The following GRAMD1A variants were observed in gnomAD, a reference collection of about 807,000 sequenced individuals.
GRAMD1A encodes GRAM domain containing 1A.
In GRAMD1A, 50 loss-of-function variants were observed where a neutral mutation model predicts 92.0. That is an observed-to-expected ratio of 0.54 (90% CI 0.43 to 0.69). GRAMD1A has a LOEUF of 0.69. Ranked by LOEUF, GRAMD1A falls within the 30% of genes least tolerant of loss-of-function variation. The pLI, the probability that GRAMD1A is intolerant of heterozygous loss-of-function variation, is 0.00. For synonymous variants in GRAMD1A, 405 were observed against 403.6 expected (o/e 1.00, Z -0.04); for missense variants, 819 against 978.9 (o/e 0.84, Z 2.18).
At position 35,026,180 on chromosome 19, in the gene GRAMD1A, T is replaced by C; in HGVS notation, c.*39T>C. The C allele has an allele frequency of 9.6e-7, 1 of 1,043,914 alleles. No individual in the cohort carries two copies. Among genetic ancestry groups the C allele is most frequent in the Non-Finnish European group, 1.5e-6 (1 of 662,284 alleles). The allele number at this position is 1,043,914 out of a possible 1,614,324, so 64.7% of individuals were successfully genotyped here. ...GCAGCTGTTCCCCCACATGGACAGA[T>C]GGACACACAGAGCCTCGGCGGCCAC... On this transcript the variant is annotated 3_prime_UTR_variant, in exon 20 of 20. Coordinates refer to ENST00000317991, the MANE Select transcript of GRAMD1A (RefSeq NM_020895.5).
intron 1 of GRAMD1A, among the ~76,000 whole-genome samples, chr19:35,003,061 GGTGTGTGTGTGTGT>G (rs58809497): frequency 2.1e-5 from 3 of 142,232 alleles, no homozygotes; most frequent in Admixed American, 7.0e-5. Flanking sequence ...CAATGCTGCA[GGTGTGTGTGTGTGT>G]GTGTGTGTGT....
intron 10 of GRAMD1A, chr19:35,014,618 C>T: frequency 1.7e-6 from 1 of 579,012 alleles, no homozygotes; most frequent in Non-Finnish European, 3.1e-6. Flanking sequence ...CCTGGTCACA[C>T]CACTTCCTGA....
At chr19:35,006,581 T>C (rs1277633629) in intron 1 of GRAMD1A, among the ~76,000 whole-genome samples, 1 of 152,092 alleles carries the variant, frequency 6.6e-6, no homozygotes, top group Non-Finnish European at 1.5e-5. Flanking sequence ...AAGTTGGGAG[T>C]GTCCTGTTTG....
chr19:35,006,511 C>G (rs780848914), intron 1 of GRAMD1A, among the ~76,000 whole-genome samples: 2 of 152,140 alleles, frequency 1.3e-5, no homozygotes, highest in Non-Finnish European at 2.9e-5. Context: ...CAAAGAATGT[C>G]CTTTTAAAGT....
chr19:35,004,063 C>CA (rs1341039699), intron 1 of GRAMD1A, among the ~76,000 whole-genome samples: 2 of 152,106 alleles, frequency 1.3e-5, no homozygotes, highest in Non-Finnish European at 1.5e-5. Flanking sequence ...CCCATCACTA[C>CA]AAAAAAACTT....
intron 19 of GRAMD1A, among the ~76,000 whole-genome samples, chr19:35,024,389 C>G (rs989410945): frequency 1.3e-5 from 2 of 151,682 alleles, no homozygotes; most frequent in Non-Finnish European, 1.5e-5. Context: ...CCCTCAGGCC[C>G]CAGTAGACTC....
At chr19:35,016,010 A>G in intron 11 of GRAMD1A, 43 bp downstream of exon 11, 1 of 1,596,270 alleles carries the variant, frequency 6.3e-7, no homozygotes, top group Non-Finnish European at 8.6e-7. Flanking sequence ...ACCCAGGTGC[A>G]GGGGAGGGGT....
intron 1 of GRAMD1A, among the ~76,000 whole-genome samples, chr19:35,007,785 A>C (rs1364190426): frequency 1.3e-5 from 2 of 152,118 alleles, no homozygotes; most frequent in Non-Finnish European, 2.9e-5. Flanking sequence ...AGGCAGGAGG[A>C]TCACTTAAGC....
chr19:35,015,168 C>T (rs2015535538), intron 10 of GRAMD1A: 1 of 152,448 alleles, frequency 6.6e-6, no homozygotes, highest in African/African-American at 2.4e-5. Flanking sequence ...GAGACCCTGT[C>T]TCTAAAACGA....
chr19:35,025,996 C>G (rs1428070634), intron 19 of GRAMD1A, 53 bp from the exon 20 acceptor site: 4 of 904,500 alleles, frequency 4.4e-6, no homozygotes, highest in Admixed American at 1.7e-5. Flanking sequence ...TGGGCGACAT[C>G]ACCCCCCAGC....
In GRAMD1A at chr19:35,001,500, G is replaced by A. The variant is rs185505678; in HGVS notation, c.8+1014G>A. On this transcript the variant is annotated intron_variant, in intron 1 of 19. Coordinates refer to ENST00000317991, the MANE Select transcript of GRAMD1A (RefSeq NM_020895.5). ...GCGTTGCTGTAAGTTACCAGTGTGCGTCCCATTGTGACTTAGTGGTGTGTG... is the reference window on the plus strand; with the variant it reads ...GCGTTGCTGTAAGTTACCAGTGTGCATCCCATTGTGACTTAGTGGTGTGTG... 4.0e-3 allele frequency among the ~76,000 whole-genome samples: 605 copies of A among 152,222 alleles called. 3 individuals carry two copies. The highest frequency in any genetic ancestry group is 5.0e-3 in the Non-Finnish European group (338 of 68,024).
rs1251098587 is a variant in GRAMD1A at position 35,013,348 on chromosome 19, C to G, written c.699C>G (p.Pro233=). 6.4e-7 allele frequency: 1 copy of G among 1,555,070 alleles called. No individual in the cohort carries two copies. The highest frequency in any genetic ancestry group is 8.7e-7 in the Non-Finnish European group (1 of 1,147,282). Residue 233 remains proline, a synonymous_variant, in exon 8 of 20, where the codon CCC becomes CCG. Transcript: ENST00000317991. This position sits in a 1 kb window ranked among gnomAD's most constrained non-coding sequence, Gnocchi z 4.9. ...GTGAGGATGAGGACTATGTCTCCCCCTTGCAGCTGAACGGTCTGGGGTGAG... is the reference window on the plus strand; with the variant it reads ...GTGAGGATGAGGACTATGTCTCCCCGTTGCAGCTGAACGGTCTGGGGTGAG... The part of the protein sequence containing the change: ...LTSEDEDYVS[P]LQLNGLGTPK...
At chr19:35,003,539 T>A (rs545766239) in intron 1 of GRAMD1A, among the ~76,000 whole-genome samples, 2 of 152,318 alleles carry the variant, frequency 1.3e-5, no homozygotes, top group South Asian at 4.1e-4. Flanking sequence ...CCCTGCCCTG[T>A]CTGTGTGCCT....
In GRAMD1A at chr19:35,011,468, T is replaced by C; in HGVS notation, c.526-6T>C. The C allele has an allele frequency of 6.2e-7, 1 of 1,603,750 alleles. No homozygotes were observed. Among genetic ancestry groups the C allele is most frequent in the Non-Finnish European group, 8.5e-7 (1 of 1,174,206 alleles). On this transcript the variant is annotated splice_polypyrimidine_tract_variant and splice_region_variant and intron_variant, in intron 6 of 19. Transcript: ENST00000317991. ...TCACACCTCTCTCTCTCTCTCTCCC[T>C]GACAGCATTTCTTCACTTCCTTTGG...
At chr19:35,014,467 C>T in intron 10 of GRAMD1A, 80 bp downstream of exon 10, 3 of 1,244,464 alleles carry the variant, frequency 2.4e-6, no homozygotes, top group South Asian at 2.5e-5. Flanking sequence ...GATGGATTCG[C>T]CCGCAGCACT....
rs754745864 is a variant in GRAMD1A, at chr19:35,014,231, G to A, written c.913G>A (p.Ala305Thr). ...GGAGCAGGTAGACAGCCAGCCAGACGCCTCCTCCAGCCAGACAGTGACCCC... is the reference window on the plus strand; with the variant it reads ...GGAGCAGGTAGACAGCCAGCCAGACACCTCCTCCAGCCAGACAGTGACCCC... Reference protein sequence around the residue: ...KEEQVDSQPDASSSQTVTPVA... With the variant: ...KEEQVDSQPDTSSSQTVTPVA... Residue 305 changes from alanine to threonine, a missense_variant, in exon 10 of 20, where the codon GCC becomes ACC. By Grantham distance (58) the Ala-to-Thr change is moderately conservative. Around this residue, in one of 3 missense-constraint regions of GRAMD1A, gnomAD observed 577 missense variants for 674.6 expected, o/e 0.86. Coordinates refer to ENST00000317991, the MANE Select transcript of GRAMD1A (RefSeq NM_020895.5). 2.5e-6 allele frequency: 4 copies of A among 1,614,048 alleles called. No homozygotes were observed. Among genetic ancestry groups the A allele is most frequent in the East Asian group, 2.2e-5 (1 of 44,884 alleles).
Position 35,021,889 on chromosome 19 carries a change from G to A in GRAMD1A, c.1753+25G>A, listed in dbSNP as rs1179223145. ...GGTACGTTCCGTTGGGGCCGGGTTG[G>A]GGTAGGCGGAGGATCGGGGGTCCTG... is the stretch of plus-strand genomic sequence containing the variant. On this transcript the variant is annotated intron_variant, in intron 15 of 19. Transcript: ENST00000317991. The surrounding 1 kb of genome is among the most constrained non-coding windows in gnomAD (Gnocchi z 5.3). 1 of 1,607,534 alleles carries A rather than the reference G, an allele frequency of 6.2e-7. No individual in the cohort carries two copies. The highest frequency in any genetic ancestry group is 8.5e-7 in the Non-Finnish European group (1 of 1,176,002).
chr19:35,005,210 G>A (rs2014712826), intron 1 of GRAMD1A, among the ~76,000 whole-genome samples: 1 of 151,810 alleles, frequency 6.6e-6, no homozygotes, highest in South Asian at 2.1e-4. Flanking sequence ...TGGGGGTTGG[G>A]GGTGGGGAGA....
At chr19:35,002,307 A>G (rs2014434909) in intron 1 of GRAMD1A, 1 of 152,352 alleles carries the variant, frequency 6.6e-6, no homozygotes, top group South Asian at 2.1e-4. Context: ...GCTCGGCTGC[A>G]TTATTCCCAA....
Sources: gnomAD v4.1 joint callset for allele counts (sites outside exome capture counted in the v4.1 genomes callset) on GRCh38, gnomAD v4.1.1 for gene constraint, gnomAD v4.1.1 regional missense constraint, Gnocchi (gnomAD v3.1) non-coding constraint, MANE v1.5 for transcripts, NCBI Gene and HGNC (gene_info 2026-07-23, HGNC 2026-07-21) for gene names.